Variants in SPG11 observed in about 807,000 individuals in gnomAD.
The protein encoded by SPG11 is spatacsin.
A neutral mutation model predicts 274.0 loss-of-function variants in SPG11; 222 were observed. That is an observed-to-expected ratio of 0.81 (90% CI 0.73 to 0.91). SPG11 has a LOEUF of 0.91. Ranked by LOEUF, SPG11 falls within the 40% of genes least tolerant of loss-of-function variation. The pLI is 0.00. For synonymous variants in SPG11, 1,144 were observed against 1,039.7 expected, an observed-to-expected ratio of 1.10 and a Z score of -1.93; for missense variants, 3,114 against 2,872.7, an observed-to-expected ratio of 1.08 and a Z score of -1.92.
chr15:44,614,177 A>T (rs976205530), intron 16 of SPG11, among the ~76,000 whole-genome samples: 1 of 152,218 alleles, frequency 6.6e-6, no homozygotes, highest in Non-Finnish European at 1.5e-5. Flanking sequence ...CAACATTTCT[A>T]AGTAAGACTA....
chr15:44,651,691 C>T lies in SPG11; in HGVS notation c.1256G>A (p.Ser419Asn), dbSNP rs2084781481. The change falls in exon 6 of 40, where the codon AGT becomes AAT. Residue 419 changes from serine (S) to asparagine (N), a missense_variant. Ser to Asn is a conservative substitution (Grantham distance 46, BLOSUM62 1). Transcript: ENST00000261866. ...AAGCTCTATGGGTTCCTCTTGTTCA[C>T]TGATGTGCATTATTTTCCATGATCT... is the stretch of plus-strand genomic sequence containing the variant. ...PGRSWKIMHI[S>N]EQEEPIELKC... 1.2e-6 allele frequency: 2 copies of T among 1,614,230 alleles called. No homozygotes were observed.
intron 30 of SPG11, among the ~76,000 whole-genome samples, chr15:44,576,720 A>C (rs2082547713): frequency 6.6e-6 from 1 of 152,160 alleles, no homozygotes. Context: ...AATATGATGT[A>C]ATCTCATTTT....
rs908048525 is a variant in SPG11, at chr15:44,604,931, C to CAAAAAAAAA, written c.3520+1085_3520+1093dup. Among the ~76,000 whole-genome samples the CAAAAAAAAA allele has an allele frequency of 1.7e-3, 39 of 22,496 alleles. 4 individuals are homozygous for CAAAAAAAAA. Among genetic ancestry groups the CAAAAAAAAA allele is most frequent in the African/African-American group, 7.4e-3 (38 of 5,132 alleles). 14.8% of individuals were successfully genotyped at this position (22,496 alleles called of 152,430 possible). A position where few individuals can be genotyped will look rare whatever the true frequency, so the allele number is the denominator to read the frequency against. On this transcript the variant is annotated intron_variant, in intron 20 of 39. Coordinates refer to ENST00000261866, the MANE Select transcript of SPG11 (RefSeq NM_025137.4). ...CCTGGGCGGAACAAGACTCCATCTCCAAAAAAAAAAAAAAAAAAAAAAAAA... is the reference window on the plus strand; with the variant it reads ...CCTGGGCGGAACAAGACTCCATCTCCAAAAAAAAAAAAAAAAAAAAAAAAAAAAAAAAAA...
At chr15:44,598,134 C>G (rs1383977618) in intron 23 of SPG11, 131 bp downstream of exon 23, 2 of 692,424 alleles carry the variant, frequency 2.9e-6, no homozygotes, top group African/African-American at 1.8e-5. Context: ...CTGCTACATG[C>G]TAGATAAAGA....
At chr15:44,654,178 G>C (rs1433768283) in intron 4 of SPG11, among the ~76,000 whole-genome samples, 1 of 152,176 alleles carries the variant, frequency 6.6e-6, no homozygotes, top group Non-Finnish European at 1.5e-5. Flanking sequence ...ATGCATAAAA[G>C]TTACATAGTT....
chr15:44,586,279 C>A (rs1443700662), intron 28 of SPG11, among the ~76,000 whole-genome samples: 1 of 151,704 alleles, frequency 6.6e-6, no homozygotes, highest in African/African-American at 2.4e-5. Context: ...TAGCTGTATA[C>A]CAAAAAAAAT....
At chr15:44,608,402 G>A in intron 19 of SPG11, 42 bp downstream of exon 19, 2 of 1,599,704 alleles carry the variant, frequency 1.3e-6, no homozygotes, top group Non-Finnish European at 1.7e-6. Context: ...TTTCCTGGCT[G>A]AACTCTGATA....
intron 3 of SPG11, among the ~76,000 whole-genome samples, chr15:44,657,920 G>A (rs758402244): frequency 8.5e-5 from 13 of 152,308 alleles, no homozygotes; most frequent in African/African-American, 2.4e-4. Context: ...CCAGCTACTC[G>A]GGAGGCTAAG....
intron 11 of SPG11, 60 bp downstream of exon 11, chr15:44,626,271 T>TTG: frequency 7.0e-7 from 1 of 1,425,752 alleles, no homozygotes; most frequent in Non-Finnish European, 9.5e-7. Flanking sequence ...CAAACCAATT[T>TTG]TATAATAACT....
chr15:44,585,602 T>TAAAAA lies in SPG11; in HGVS notation c.5121+29_5121+33dup, dbSNP rs34800368. On this transcript the variant is annotated intron_variant, in intron 29 of 39. Coordinates refer to ENST00000261866, the MANE Select transcript of SPG11 (RefSeq NM_025137.4). ...GGGTGACAGAGCAAGACCCCGTATC[T>TAAAAA]AAAAAAAAAAAAAAAAAAAAAGACC... is the stretch of plus-strand genomic sequence containing the variant. 3.1e-3 allele frequency: 3,741 copies of TAAAAA among 1,193,534 alleles called. 16 individuals are homozygous for TAAAAA. Among genetic ancestry groups the TAAAAA allele is most frequent in the Non-Finnish European group, 3.6e-3 (3,095 of 871,006 alleles). The allele number at this position is 1,193,534 out of a possible 1,614,324, so 73.9% of individuals were successfully genotyped here.
In SPG11 at chr15:44,621,786, T is replaced by C. The variant is rs1265884681; in HGVS notation, c.2593A>G (p.Ile865Val). 1.9e-6 allele frequency: 3 copies of C among 1,614,070 alleles called. No individual in the cohort carries two copies. Among genetic ancestry groups the C allele is most frequent in the East Asian group, 2.2e-5 (1 of 44,854 alleles). Residue 865 changes from isoleucine to valine, a missense_variant, in exon 14 of 40, where the codon ATC becomes GTC. Ile to Val is a conservative substitution (Grantham distance 29). Coordinates refer to ENST00000261866, the MANE Select transcript of SPG11 (RefSeq NM_025137.4). ...LWWDQLTQES[I>V]LLPRISPEEY... Reference sequence around the variant, plus strand: ...TCTGGACTTATCCTGGGGAGAAGGATGGATTCTTGTGTTAGTTGATCCCAC... The same window carrying C: ...TCTGGACTTATCCTGGGGAGAAGGACGGATTCTTGTGTTAGTTGATCCCAC...
At position 44,652,173 on chromosome 15, in the gene SPG11, A is replaced by G. The variant is rs2084802083; in HGVS notation, c.963T>C (p.Ser321=). 6.2e-7 allele frequency: 1 copy of G among 1,614,062 alleles called. No homozygotes were observed. The highest frequency in any genetic ancestry group is 1.3e-5 in the African/African-American group (1 of 74,942). ...KGVDEDDPVN[S]AYNMKLAKFS... is the part of the protein sequence containing the mutation. ...ACTTGGCCAGTTTCATGTTGTAGGCAGAGTTAACAGGATCATCTTCATCTA... is the reference window on the plus strand; with the variant it reads ...ACTTGGCCAGTTTCATGTTGTAGGCGGAGTTAACAGGATCATCTTCATCTA... The change falls in exon 5 of 40, where the codon TCT becomes TCC. Residue 321 remains serine, a synonymous_variant. Coordinates refer to ENST00000261866, the MANE Select transcript of SPG11 (RefSeq NM_025137.4).
chr15:44,615,671 C>G, intron 15 of SPG11, 105 bp from the exon 16 acceptor site: 1 of 982,620 alleles, frequency 1.0e-6, no homozygotes, highest in Non-Finnish European at 1.6e-6. Flanking sequence ...TAAGCATTTA[C>G]AAATTAATGC....
intron 32 of SPG11, 62 bp downstream of exon 32, chr15:44,573,485 C>G (rs757826504): frequency 6.3e-7 from 1 of 1,575,028 alleles, no homozygotes; most frequent in Non-Finnish European, 8.7e-7. Flanking sequence ...CATCCAAATC[C>G]TTAACACTGG....
intron 34 of SPG11, among the ~76,000 whole-genome samples, chr15:44,569,927 C>T (rs759510230): frequency 1.3e-5 from 2 of 152,104 alleles, no homozygotes; most frequent in Non-Finnish European, 2.9e-5. Context: ...AGGGTGGTCT[C>T]CAACTCCTGA....
intron 30 of SPG11, 87 bp downstream of exon 30, chr15:44,583,727 T>C: frequency 6.3e-7 from 1 of 1,576,650 alleles, no homozygotes; most frequent in South Asian, 1.1e-5. Context: ...TTGGTAGAAC[T>C]ATTCTGCCAC....
chr15:44,624,920 A>G (rs2083855632), intron 11 of SPG11, among the ~76,000 whole-genome samples: 1 of 152,094 alleles, frequency 6.6e-6, no homozygotes, highest in African/African-American at 2.4e-5. Flanking sequence ...GGCTCACCTG[A>G]GGTCAAGAGT....
chr15:44,635,865 C>T (rs1029396079), intron 7 of SPG11, among the ~76,000 whole-genome samples: 1 of 151,192 alleles, frequency 6.6e-6, no homozygotes, highest in African/African-American at 2.4e-5. Flanking sequence ...TACAGTGAGC[C>T]GAGATTGCGC....
intron 8 of SPG11, among the ~76,000 whole-genome samples, chr15:44,629,869 G>C (rs914654706): frequency 6.6e-6 from 1 of 151,984 alleles, no homozygotes; most frequent in African/African-American, 2.4e-5. Flanking sequence ...TCAGGAGTTC[G>C]AGACCAGCCT....
Sources: allele counts gnomAD v4.1 joint callset (sites outside exome capture counted in the v4.1 genomes callset), GRCh38; gene constraint gnomAD v4.1.1; transcripts MANE v1.5; gene names NCBI Gene and HGNC (gene_info 2026-07-23, HGNC 2026-07-21).